Variants in DNAAF11 observed in about 807,000 individuals in gnomAD.
DNAAF11 encodes the protein leucine rich repeat containing 6.
In DNAAF11, 45 loss-of-function variants were observed where a neutral mutation model predicts 60.8. That is an observed-to-expected ratio of 0.74 (90% CI 0.58 to 0.95). The LOEUF (loss-of-function observed/expected upper bound fraction) is 0.95. Ranked by LOEUF, DNAAF11 falls within the 40% of genes least tolerant of loss-of-function variation. DNAAF11 has a pLI of 0.00. For synonymous variants in DNAAF11, 191 were observed against 183.5 expected (o/e 1.04, Z -0.33); for missense variants, 546 against 546.2 (o/e 1.00, Z 0.00).
chr8:132,590,138 C>T (rs777311963), intron 10 of DNAAF11, among the ~76,000 whole-genome samples: 2 of 152,186 alleles, frequency 1.3e-5, no homozygotes, highest in Non-Finnish European at 2.9e-5. Context: ...TTCACTATCA[C>T]TATCCACAGA....
intron 3 of DNAAF11, among the ~76,000 whole-genome samples, chr8:132,654,631 GA>G (rs1823360256): frequency 6.7e-6 from 1 of 150,278 alleles, no homozygotes; most frequent in Admixed American, 6.6e-5. Flanking sequence ...GAAAATGTGG[GA>G]AAGTCACAAA....
At chr8:132,611,385 A>G (rs1185241847) in intron 8 of DNAAF11, 22 bp from the exon 9 acceptor site, 3 of 1,424,676 alleles carry the variant, frequency 2.1e-6, no homozygotes, top group Non-Finnish European at 3.0e-6. Context: ...AACACAGAAA[A>G]TCTTATAATT....
intron 6 of DNAAF11, among the ~76,000 whole-genome samples, chr8:132,624,106 GATATATAA>G (rs1403572044): frequency 6.6e-6 from 1 of 152,090 alleles, no homozygotes; most frequent in African/African-American, 2.4e-5. Context: ...CATACCCACA[GATATATAA>G]ATATAACATA....
intron 11 of DNAAF11, among the ~76,000 whole-genome samples, chr8:132,577,763 A>G (rs1814900836): frequency 6.6e-6 from 1 of 152,006 alleles, no homozygotes; most frequent in African/African-American, 2.4e-5. Flanking sequence ...TGTTCAAGTG[A>G]TCTTCCCACC....
chr8:132,688,078 G>T, the DNAAF11 span, among the ~76,000 whole-genome samples: 1 of 151,944 alleles, frequency 6.6e-6, no homozygotes, highest in Non-Finnish European at 1.5e-5. Flanking sequence ...ATAAAGTTTT[G>T]GTTCAAATCT....
chr8:132,701,032 G>A, the DNAAF11 span, among the ~76,000 whole-genome samples: 1 of 152,188 alleles, frequency 6.6e-6, no homozygotes, highest in African/African-American at 2.4e-5. Context: ...ATCCATGGGG[G>A]AAGATGGAAG....
intron 3 of DNAAF11, among the ~76,000 whole-genome samples, chr8:132,647,689 C>T (rs921405242): frequency 6.6e-5 from 10 of 152,048 alleles, no homozygotes; most frequent in South Asian, 4.1e-4. Context: ...ATATCACCAC[C>T]GATCCCACAG....
At chr8:132,629,397 G>C (rs1442346823) in intron 5 of DNAAF11, among the ~76,000 whole-genome samples, 1 of 150,794 alleles carries the variant, frequency 6.6e-6, no homozygotes, top group African/African-American at 2.4e-5. Context: ...GCCCAGGCTG[G>C]AGTGCAGTGG....
At chr8:132,591,910 T>C (rs1816506769) in intron 10 of DNAAF11, among the ~76,000 whole-genome samples, 2 of 152,186 alleles carry the variant, frequency 1.3e-5, no homozygotes, top group South Asian at 2.1e-4. Flanking sequence ...TTTAAAATTA[T>C]TTTATGTTTA....
chr8:132,685,642 G>T, the DNAAF11 span, among the ~76,000 whole-genome samples: 1 of 152,144 alleles, frequency 6.6e-6, no homozygotes, highest in Non-Finnish European at 1.5e-5. Context: ...GCAGAGAGAG[G>T]TCTTAGCCAG....
chr8:132,596,935 A>G (rs1817074228), intron 10 of DNAAF11, among the ~76,000 whole-genome samples: 2 of 152,118 alleles, frequency 1.3e-5, no homozygotes, highest in African/African-American at 4.8e-5. Flanking sequence ...GTTGTCTTGA[A>G]TTGTTGTCTG....
intron 11 of DNAAF11, among the ~76,000 whole-genome samples, chr8:132,577,726 T>G (rs1814895250): frequency 6.6e-6 from 1 of 152,224 alleles, no homozygotes; most frequent in Non-Finnish European, 1.5e-5. Context: ...TGGTGCAATT[T>G]TGGCTCACTG....
At position 132,662,459 on chromosome 8, in the gene DNAAF11, C is replaced by A. The variant is rs867839393; in HGVS notation, c.11-832G>T. On this transcript the variant is annotated intron_variant, in intron 1 of 11. Transcript: ENST00000620350. The stretch of plus-strand genomic sequence containing the variant: ...AGGAGGAACCAGGCATTTCCCACTG[C>A]CACTAAAACTGGTATTTGTTGAACC... Among the ~76,000 whole-genome samples, 9 of 152,286 alleles carry A rather than the reference C, an allele frequency of 5.9e-5. No homozygotes were observed. The Middle Eastern group carries it at 0.01, about 173-fold the overall frequency.
At chr8:132,680,727 C>A in the DNAAF11 span, among the ~76,000 whole-genome samples, 1 of 151,678 alleles carries the variant, frequency 6.6e-6, no homozygotes, top group Non-Finnish European at 1.5e-5. Flanking sequence ...CCCTTCCTTC[C>A]TTTCTTTTTT....
the DNAAF11 span, among the ~76,000 whole-genome samples, chr8:132,681,003 CTT>C: frequency 4.6e-4 from 24 of 52,338 alleles, no homozygotes; most frequent in Admixed American, 1.4e-3. Context: ...ATAACTATTC[CTT>C]TTTTTTTTTT....
intron 4 of DNAAF11, among the ~76,000 whole-genome samples, chr8:132,635,058 A>C (rs971745106): frequency 6.6e-6 from 1 of 152,176 alleles, no homozygotes; most frequent in African/African-American, 2.4e-5. Context: ...TACTGACAGG[A>C]GGCAAAAGAC....
At chr8:132,628,023 C>A (rs917436323) in intron 5 of DNAAF11, among the ~76,000 whole-genome samples, 1 of 152,138 alleles carries the variant, frequency 6.6e-6, no homozygotes, top group Non-Finnish European at 1.5e-5. Context: ...TGATAATCCA[C>A]CCCCTAGTGA....
upstream of DNAAF11, chr8:132,675,735 G>C (rs1302434413): frequency 2.4e-6 from 1 of 414,142 alleles, no homozygotes; most frequent in Non-Finnish European, 4.3e-6. Flanking sequence ...CCCAGTCTTC[G>C]TCCTCGTCGC....
chr8:132,643,188 T>C (rs954533917), intron 3 of DNAAF11, among the ~76,000 whole-genome samples: 1 of 152,214 alleles, frequency 6.6e-6, no homozygotes, highest in African/African-American at 2.4e-5. Flanking sequence ...AGGTATCGGT[T>C]CTCTACCCAG....
Sources: gnomAD v4.1 joint callset for allele counts (sites outside exome capture counted in the v4.1 genomes callset) on GRCh38, gnomAD v4.1.1 for gene constraint, MANE v1.5 for transcripts, NCBI Gene and HGNC (gene_info 2026-07-23, HGNC 2026-07-21) for gene names.